The following BTBD7 variants were observed in gnomAD, a reference collection of about 807,000 sequenced individuals.
BTBD7 encodes the protein BTB domain containing 7.
Under a neutral mutation model 99.9 loss-of-function variants are expected in BTBD7, and 38 were observed. The observed-to-expected ratio is 0.38, with a 90% CI of 0.29 to 0.50. The LOEUF is 0.50. BTBD7 is among the 20% of genes least tolerant of loss of function. BTBD7 has a pLI of 0.93. For missense variants in BTBD7, 1,170 were observed against 1,394.6 expected (o/e 0.84, Z 2.57); for synonymous variants, 520 against 511.4 (o/e 1.02, Z -0.23).
intron 1 of BTBD7, among the ~76,000 whole-genome samples, chr14:93,331,655 C>A (rs893084719): frequency 2.0e-5 from 3 of 152,102 alleles, no homozygotes; most frequent in African/African-American, 7.2e-5. Flanking sequence ...ACGAGGCGGG[C>A]GGATCACCAG....
Position 93,294,356 on chromosome 14 carries a change from G to A in BTBD7, c.664C>T (p.Gln222Ter). Residue 222 changes from glutamine (Q) to a stop codon, truncating the protein, a stop_gained, in exon 3 of 11, where the codon CAG becomes TAG. Transcript: ENST00000334746. LOFTEE classifies it high-confidence loss of function. ...GGTGTTCCAAATTCTTCACTAAGCT[G>A]AACAAGGATATCGACATTTTGAAAC... Reference protein sequence around the residue: ...SRFQNVDILVQLSEEFGTPNS... With the variant: ...SRFQNVDILV 1 of 1,614,150 alleles carries A rather than the reference G, an allele frequency of 6.2e-7. No individual in the cohort carries two copies. Among genetic ancestry groups the A allele is most frequent in the Non-Finnish European group, 8.5e-7 (1 of 1,180,038 alleles).
chr14:93,265,676 C>T (rs1467177667), intron 3 of BTBD7, among the ~76,000 whole-genome samples: 2 of 152,228 alleles, frequency 1.3e-5, no homozygotes, highest in African/African-American at 4.8e-5. Flanking sequence ...AATCCCAGCA[C>T]TTTGGGAGGC....
intron 8 of BTBD7, among the ~76,000 whole-genome samples, chr14:93,250,995 C>A (rs1026732163): frequency 1.3e-5 from 2 of 152,096 alleles, no homozygotes; most frequent in Admixed American, 1.3e-4. Context: ...AAAAAAAAAT[C>A]TGAATTCCTC....
At chr14:93,248,709 C>T (rs979139915) in intron 8 of BTBD7, 55 bp from the exon 9 acceptor site, 8 of 1,449,984 alleles carry the variant, frequency 5.5e-6, no homozygotes, top group Non-Finnish European at 7.3e-6. Context: ...CAAAAGACGA[C>T]CCCGTGAGCC....
chr14:93,273,186 C>A (rs1009654204), intron 3 of BTBD7, among the ~76,000 whole-genome samples: 1 of 152,094 alleles, frequency 6.6e-6, no homozygotes, highest in African/African-American at 2.4e-5. Context: ...ATGACAACAC[C>A]AGGAGCAGAT....
At chr14:93,282,365 C>G (rs56108524) in intron 3 of BTBD7, among the ~76,000 whole-genome samples, 379 of 147,928 alleles carry the variant, frequency 2.6e-3, no homozygotes, top group African/African-American at 8.5e-3. Context: ...CAGTTTCGCT[C>G]TGTTGCCCAG....
At chr14:93,293,300 G>A (rs1290292547) in intron 3 of BTBD7, among the ~76,000 whole-genome samples, 1 of 152,108 alleles carries the variant, frequency 6.6e-6, no homozygotes, top group Non-Finnish European at 1.5e-5. Flanking sequence ...TGAGTCTAGC[G>A]CTAACTGTGT....
chr14:93,317,199 T>TTC (rs1168346072), intron 1 of BTBD7, among the ~76,000 whole-genome samples: 1 of 152,082 alleles, frequency 6.6e-6, no homozygotes, highest in Non-Finnish European at 1.5e-5. Flanking sequence ...GAGATGGGGC[T>TTC]TCACTATGTT....
chr14:93,331,885 C>G lies in BTBD7; in HGVS notation c.-107+935G>C, dbSNP rs951301358. On this transcript the variant is annotated intron_variant, in intron 1 of 10. Coordinates refer to ENST00000334746, the MANE Select transcript of BTBD7 (RefSeq NM_001002860.4). ...GACAGAGCGAGACTCCGTCTCCCCC[C>G]CCCCAAAAAGGTTGTTAGTTGAAAA... 6.1e-5 allele frequency among the ~76,000 whole-genome samples: 9 copies of G among 147,164 alleles called. No individual in the cohort carries two copies. In the South Asian group the frequency reaches 6.4e-4, roughly 11 times the overall value.
chr14:93,300,786 A>ATTT (rs71129626), intron 1 of BTBD7, among the ~76,000 whole-genome samples: 3 of 101,776 alleles, frequency 2.9e-5, no homozygotes, highest in Admixed American at 1.0e-4. Context: ...ATATATATAT[A>ATTT]TTTTTTTTTT....
In BTBD7 at chr14:93,253,803, T is replaced by A; in HGVS notation, c.1609-13A>T. 6.5e-7 allele frequency: 1 copy of A among 1,544,244 alleles called. No homozygotes were observed. The highest frequency in any genetic ancestry group is 1.3e-5 in the South Asian group (1 of 78,460). On this transcript the variant is annotated splice_polypyrimidine_tract_variant and intron_variant, in intron 6 of 10. Transcript: ENST00000334746. The stretch of plus-strand genomic sequence containing the variant: ...AGCCTCTTTTCATCTAAAAAAAAAT[T>A]TTTTTTTTAGATAGAAATCTGTGTA...
At chr14:93,273,260 A>C (rs1418829516) in intron 3 of BTBD7, among the ~76,000 whole-genome samples, 1 of 152,164 alleles carries the variant, frequency 6.6e-6, no homozygotes, top group Non-Finnish European at 1.5e-5. Context: ...CTTGAATGGA[A>C]TGGAAACATT....
rs774750400 is a variant in BTBD7, at chr14:93,242,816, A to G, written c.2856T>C (p.Ala952=). The G allele has an allele frequency of 5.0e-6, 8 of 1,614,096 alleles. No individual in the cohort carries two copies. The African/African-American group carries it at 1.1e-4, about 22-fold the overall frequency. ...TGAGAGCAGGAGTAGAAGGTCTGCA[A>G]GCAGCATTTGAGAAGTCATAGAAAT... ...YPDFYDFSNA[A]CRPSTPALSR... is the part of the protein sequence containing the mutation. Residue 952 remains alanine (A), a synonymous_variant, in exon 11 of 11, where the codon GCT becomes GCC. Coordinates refer to ENST00000334746, the MANE Select transcript of BTBD7 (RefSeq NM_001002860.4).
At chr14:93,270,466 G>C (rs1411105597) in intron 3 of BTBD7, among the ~76,000 whole-genome samples, 1 of 151,872 alleles carries the variant, frequency 6.6e-6, no homozygotes, top group African/African-American at 2.4e-5. Context: ...GCTGAGGCAG[G>C]TAGATTACCC....
chr14:93,276,205 C>G (rs760257007), intron 3 of BTBD7, among the ~76,000 whole-genome samples: 1 of 152,168 alleles, frequency 6.6e-6, no homozygotes, highest in Non-Finnish European at 1.5e-5. Context: ...GGCAACAGAG[C>G]GAGACCTTGT....
At chr14:93,268,348 T>C (rs891677896) in intron 3 of BTBD7, among the ~76,000 whole-genome samples, 2 of 152,212 alleles carry the variant, frequency 1.3e-5, no homozygotes, top group African/African-American at 2.4e-5. Flanking sequence ...CATACTACTA[T>C]ATCTTTCTTA....
In BTBD7 at chr14:93,246,180, G is replaced by A. The variant is rs2052306869; in HGVS notation, c.2228C>T (p.Thr743Ile). 6.2e-7 allele frequency: 1 copy of A among 1,613,694 alleles called. No individual in the cohort carries two copies. Among genetic ancestry groups the A allele is most frequent in the African/African-American group, 1.3e-5 (1 of 74,974 alleles). Residue 743 changes from threonine (T) to isoleucine (I), a missense_variant, in exon 10 of 11, where the codon ACC (threonine) becomes ATC (isoleucine). By Grantham distance (89) the Thr-to-Ile change is moderately conservative. Coordinates refer to ENST00000334746, the MANE Select transcript of BTBD7 (RefSeq NM_001002860.4). ...CRVNSTPPAE[T>I]MFTDLDSFVA... The stretch of plus-strand genomic sequence containing the variant: ...AAAAGAGTCCAGATCTGTAAACATG[G>A]TTTCTGCAGGAGGTGTACTGTTTAC...
intron 4 of BTBD7, among the ~76,000 whole-genome samples, chr14:93,262,186 GC>G (rs2052496693): frequency 1.3e-5 from 2 of 150,934 alleles, no homozygotes; most frequent in Admixed American, 6.6e-5. Context: ...AGGCTGGAGT[GC>G]AGTGGTGTGA....
At chr14:93,269,378 G>C (rs1304754808) in intron 3 of BTBD7, among the ~76,000 whole-genome samples, 1 of 152,186 alleles carries the variant, frequency 6.6e-6, no homozygotes, top group African/African-American at 2.4e-5. Context: ...AGTGGGTGCT[G>C]AGAGGCTTTA....
Sources: gnomAD v4.1 joint callset for allele counts (sites outside exome capture counted in the v4.1 genomes callset) on GRCh38, gnomAD v4.1.1 for gene constraint, MANE v1.5 for transcripts, NCBI Gene and HGNC (gene_info 2026-07-23, HGNC 2026-07-21) for gene names.